The following ZNRF3 variants were observed in gnomAD, a reference collection of about 807,000 sequenced individuals.
ZNRF3 encodes E3 ubiquitin-protein ligase ZNRF3.
A neutral mutation model predicts 72.5 loss-of-function variants in ZNRF3; 23 were observed. The observed-to-expected ratio is 0.32, with a 90% CI of 0.23 to 0.45. The LOEUF (loss-of-function observed/expected upper bound fraction) is 0.45, where lower values mean the gene tolerates loss of function less well. Among genes scored for constraint, ZNRF3 ranks in the 20% least tolerant of loss-of-function variants. ZNRF3 has a pLI of 1.00. For missense variants in ZNRF3, 1,169 were observed against 1,272.1 expected (o/e 0.92, Z 1.23); for synonymous variants, 610 against 545.3 (o/e 1.12, Z -1.65).
At position 29,056,160 on chromosome 22, in the gene ZNRF3, G is replaced by A. The variant is rs2037293783; in HGVS notation, c.*2538G>A. The A allele has an allele frequency of 6.6e-6, 1 of 150,518 alleles. No homozygotes were observed. The highest frequency in any genetic ancestry group is 2.5e-5 in the African/African-American group (1 of 40,668). 9.3% of individuals were successfully genotyped at this position (150,518 alleles called of 1,614,324 possible). A position where few individuals can be genotyped will look rare whatever the true frequency, so the allele number is the denominator to read the frequency against. On this transcript the variant is annotated 3_prime_UTR_variant, in exon 9 of 9. Transcript: ENST00000544604. ...CTTGTCACCCAGGCTGGAGTGCAAT[G>A]GCGCGATCTCACCTCACTGCAACCT...
intron 1 of ZNRF3, among the ~76,000 whole-genome samples, chr22:28,945,718 C>T (rs1453747671): frequency 6.6e-6 from 1 of 151,658 alleles, no homozygotes; most frequent in African/African-American, 2.4e-5. Context: ...TTAGTAGAGA[C>T]GGGGTTTCAC....
At chr22:28,967,600 C>T (rs535433314) in intron 1 of ZNRF3, among the ~76,000 whole-genome samples, 24 of 152,182 alleles carry the variant, frequency 1.6e-4, no homozygotes, top group East Asian at 1.9e-4. Context: ...TGTTTCACTG[C>T]GACATACCTA....
At chr22:28,907,364 T>C (rs2034230098) in intron 1 of ZNRF3, among the ~76,000 whole-genome samples, 1 of 152,170 alleles carries the variant, frequency 6.6e-6, no homozygotes, top group Non-Finnish European at 1.5e-5. Flanking sequence ...ACCATGTATC[T>C]TACATGGCCT....
chr22:28,926,045 C>G (rs2123773507), intron 1 of ZNRF3, among the ~76,000 whole-genome samples: 1 of 152,308 alleles, frequency 6.6e-6, no homozygotes, highest in East Asian at 1.9e-4. Flanking sequence ...GAAGTTGCAC[C>G]TGGAGGACCA....
chr22:29,008,312 G>A (rs963638846), intron 2 of ZNRF3, among the ~76,000 whole-genome samples: 7 of 152,174 alleles, frequency 4.6e-5, no homozygotes, highest in Non-Finnish European at 1.0e-4. Context: ...GGATTCCCCC[G>A]AGGAACGAGT....
intron 1 of ZNRF3, among the ~76,000 whole-genome samples, chr22:28,961,101 G>A (rs1206161343): frequency 6.6e-6 from 1 of 152,144 alleles, no homozygotes; most frequent in Non-Finnish European, 1.5e-5. Flanking sequence ...AGATCAAGGT[G>A]CCAGCAGATT....
At chr22:29,053,181 C>T (rs1294070892) in intron 8 of ZNRF3, among the ~76,000 whole-genome samples, 1 of 152,138 alleles carries the variant, frequency 6.6e-6, no homozygotes, top group African/African-American at 2.4e-5. Context: ...CACTCCAGCC[C>T]CCTCTGAGAT....
intron 8 of ZNRF3, among the ~76,000 whole-genome samples, chr22:29,051,773 C>T (rs2037211036): frequency 1.3e-5 from 2 of 150,394 alleles, no homozygotes; most frequent in South Asian, 2.2e-4. Context: ...CTGGGCGTAG[C>T]GGGCACCTGT....
chr22:28,978,785 T>C (rs1293565149), intron 1 of ZNRF3, among the ~76,000 whole-genome samples: 2 of 152,216 alleles, frequency 1.3e-5, no homozygotes, highest in Non-Finnish European at 2.9e-5. Flanking sequence ...TCTGTGATTC[T>C]TTCTAAATTT....
At chr22:28,973,138 C>T (rs1037825709) in intron 1 of ZNRF3, among the ~76,000 whole-genome samples, 2 of 152,124 alleles carry the variant, frequency 1.3e-5, no homozygotes, top group African/African-American at 2.4e-5. Flanking sequence ...ACCACCACAC[C>T]TGGCTAATTT....
At chr22:29,012,753 TTAACATAGGAAG>T (rs2036367408) in intron 2 of ZNRF3, among the ~76,000 whole-genome samples, 1 of 152,204 alleles carries the variant, frequency 6.6e-6, no homozygotes, top group Non-Finnish European at 1.5e-5. Flanking sequence ...TTTTTTAGTC[TTAACATAGGAAG>T]GATGCTTCTC....
In ZNRF3 at chr22:28,906,089, C is replaced by T. The variant is rs118039845; in HGVS notation, c.300+22023C>T. ...CCTATAATCCCAGCACTTTAGGAGG[C>T]TGAGGCAAGTGAATTGCTTGAGCCT... On this transcript the variant is annotated intron_variant, in intron 1 of 8. Transcript: ENST00000544604. Among the ~76,000 whole-genome samples, 6 of 152,338 alleles carry T rather than the reference C, an allele frequency of 3.9e-5. No homozygotes were observed. In the East Asian group the frequency reaches 9.6e-4, roughly 24 times the overall value.
At chr22:29,016,260 G>T (rs1167586023) in intron 2 of ZNRF3, among the ~76,000 whole-genome samples, 1 of 152,198 alleles carries the variant, frequency 6.6e-6, no homozygotes, top group African/African-American at 2.4e-5. Flanking sequence ...ATTCTGGGAG[G>T]TGAAGTGGTA....
chr22:28,922,601 G>A (rs1360622828), intron 1 of ZNRF3, among the ~76,000 whole-genome samples: 1 of 152,120 alleles, frequency 6.6e-6, no homozygotes, highest in Non-Finnish European at 1.5e-5. Context: ...TGGAATTTTA[G>A]GTTTGACCTC....
chr22:29,003,200 C>A (rs1486445735), intron 2 of ZNRF3, among the ~76,000 whole-genome samples: 2 of 152,098 alleles, frequency 1.3e-5, no homozygotes, highest in Admixed American at 6.6e-5. Flanking sequence ...GAAATTGACT[C>A]TTCACTAAAG....
chr22:29,042,189 A>G (rs542469033), intron 2 of ZNRF3, among the ~76,000 whole-genome samples: 2 of 152,258 alleles, frequency 1.3e-5, no homozygotes, highest in Admixed American at 6.5e-5. Context: ...TTCAATACAT[A>G]CAAGGTATAG....
At chr22:29,046,603 C>T (rs369967485) in intron 5 of ZNRF3, 113 bp from the exon 6 acceptor site, 18 of 1,218,482 alleles carry the variant, frequency 1.5e-5, no homozygotes, top group African/African-American at 3.1e-5. Context: ...AAGTCTGTTC[C>T]GGCATGATAG....
intron 1 of ZNRF3, among the ~76,000 whole-genome samples, chr22:28,904,682 T>C (rs1056761728): frequency 3.9e-5 from 6 of 152,216 alleles, no homozygotes; most frequent in African/African-American, 1.4e-4. Context: ...TAGTTTATTT[T>C]TGTTTCCTTT....
At chr22:28,964,763 C>T (rs1177038924) in intron 1 of ZNRF3, among the ~76,000 whole-genome samples, 1 of 152,392 alleles carries the variant, frequency 6.6e-6, no homozygotes, top group East Asian at 1.9e-4. Context: ...GTGGACTCCT[C>T]AGCAACAGGG....
Sources: gnomAD v4.1 joint callset for allele counts (sites outside exome capture counted in the v4.1 genomes callset) on GRCh38, gnomAD v4.1.1 for gene constraint, MANE v1.5 for transcripts, NCBI Gene and HGNC (gene_info 2026-07-23, HGNC 2026-07-21) for gene names.